Variants in KLB observed in about 807,000 individuals in gnomAD.
KLB encodes beta-klotho.
KLB carries 44 observed loss-of-function variants against 88.4 expected under a neutral mutation model. The ratio of observed to expected loss-of-function variants is 0.50; its 90% CI spans 0.39 to 0.64. The LOEUF (loss-of-function observed/expected upper bound fraction) is 0.64, where lower values mean the gene tolerates loss of function less well. Among genes scored for constraint, KLB ranks in the 30% least tolerant of loss-of-function variants. The pLI is 0.00. For missense variants in KLB, 1,137 were observed against 1,304.8 expected (o/e 0.87, Z 1.98); for synonymous variants, 548 against 513.4 (o/e 1.07, Z -0.91).
In KLB at chr4:39,450,917, AG is replaced by A. The variant is rs1198925668; in HGVS notation, c.*2233del. 3.3e-5 allele frequency: 5 copies of A among 151,032 alleles called. No individual in the cohort carries two copies. The highest frequency in any genetic ancestry group is 1.2e-4 in the African/African-American group (5 of 41,178). 9.4% of individuals were successfully genotyped at this position (151,032 alleles called of 1,614,324 possible). ...AACAAAAACCTGGAATTTATCTTTCAGGTTTTGCTTTCTCTTTCTCACTTTG... is the reference window on the plus strand; with the variant it reads ...AACAAAAACCTGGAATTTATCTTTCAGTTTTGCTTTCTCTTTCTCACTTTG... On this transcript the variant is annotated 3_prime_UTR_variant, in exon 5 of 5. Coordinates refer to ENST00000257408, the MANE Select transcript of KLB (RefSeq NM_175737.4).
chr4:39,414,254 T>C (rs184940818), intron 1 of KLB, among the ~76,000 whole-genome samples: 125 of 151,858 alleles, frequency 8.2e-4, no homozygotes, highest in African/African-American at 2.9e-3. Context: ...ACCAGATCTG[T>C]AAGTTGCATA....
At chr4:39,412,704 T>C (rs563563424) in intron 1 of KLB, among the ~76,000 whole-genome samples, 3 of 152,300 alleles carry the variant, frequency 2.0e-5, no homozygotes, top group South Asian at 2.1e-4. Flanking sequence ...ATAGCACTCA[T>C]ACGACATGAT....
At position 39,406,966 on chromosome 4, in the gene KLB, C is replaced by T. The variant is rs748905173; in HGVS notation, c.17C>T (p.Ala6Val). The T allele has an allele frequency of 5.0e-6, 8 of 1,609,320 alleles. No individual in the cohort carries two copies. Among genetic ancestry groups the T allele is most frequent in the South Asian group, 3.3e-5 (3 of 90,700 alleles). The change falls in exon 1 of 5, where the codon GCG (alanine) becomes GTG (valine). Residue 6 changes from alanine to valine, a missense_variant. Ala to Val is a moderately conservative substitution (Grantham distance 64). Coordinates refer to ENST00000257408, the MANE Select transcript of KLB (RefSeq NM_175737.4). MKPGC[A>V]AGSPGNEWIF... is the part of the protein sequence containing the mutation. ...TGGTGGCAAATGAAGCCAGGCTGTG[C>T]GGCAGGATCTCCAGGGAATGAATGG...
At chr4:39,423,509 G>C (rs1008664052) in intron 1 of KLB, among the ~76,000 whole-genome samples, 1 of 151,836 alleles carries the variant, frequency 6.6e-6, no homozygotes, top group African/African-American at 2.4e-5. Flanking sequence ...TTTAGAACTG[G>C]CAGGACATAC....
intron 1 of KLB, among the ~76,000 whole-genome samples, chr4:39,426,191 G>T (rs1321460064): frequency 2.0e-5 from 3 of 151,432 alleles, no homozygotes; most frequent in Non-Finnish European, 4.4e-5. Flanking sequence ...GGTGGATGTT[G>T]CAGTGAGCCG....
chr4:39,411,337 A>ATTTTT (rs35160893), intron 1 of KLB, among the ~76,000 whole-genome samples: 5 of 103,272 alleles, frequency 4.8e-5, no homozygotes, highest in East Asian at 2.9e-4. Context: ...TTTTGTTTTG[A>ATTTTT]TTTTTTTTTT....
chr4:39,423,383 G>A (rs762858788), intron 1 of KLB, among the ~76,000 whole-genome samples: 1 of 151,810 alleles, frequency 6.6e-6, no homozygotes, highest in Non-Finnish European at 1.5e-5. Context: ...ATGCAATTGT[G>A]GAATGTAGTA....
At chr4:39,427,593 G>A (rs2687985) in intron 1 of KLB, among the ~76,000 whole-genome samples, 1 of 151,910 alleles carries the variant, frequency 6.6e-6, no homozygotes, top group Non-Finnish European at 1.5e-5. Flanking sequence ...TAAAACTCAG[G>A]AAGCTGCAAA....
intron 1 of KLB, among the ~76,000 whole-genome samples, chr4:39,419,425 TAA>T (rs1306464336): frequency 6.6e-6 from 1 of 152,106 alleles, no homozygotes; most frequent in African/African-American, 2.4e-5. Flanking sequence ...TAATATAAAA[TAA>T]GTCATGTAAT....
chr4:39,435,632 A>C (rs1409761529), intron 2 of KLB, among the ~76,000 whole-genome samples: 3 of 141,946 alleles, frequency 2.1e-5, no homozygotes, highest in African/African-American at 8.0e-5. Flanking sequence ...CAACATGTTG[A>C]CCAGGTTGGT....
rs1646139041 is a variant in KLB, at chr4:39,451,527, C to T, written c.*2841C>T. 1 of 152,230 alleles carries T rather than the reference C, an allele frequency of 6.6e-6. No individual in the cohort carries two copies. The highest frequency in any genetic ancestry group is 2.4e-5 in the African/African-American group (1 of 41,466). 9.4% of individuals were successfully genotyped at this position (152,230 alleles called of 1,614,324 possible). ...CTGGTTCATGCTGACCACTTGTATT[C>T]AACTAACAACCTGGTCAATTTTAAG... On this transcript the variant is annotated 3_prime_UTR_variant, in exon 5 of 5. Transcript: ENST00000257408.
At chr4:39,415,153 T>C (rs1436149128) in intron 1 of KLB, among the ~76,000 whole-genome samples, 1 of 152,066 alleles carries the variant, frequency 6.6e-6, no homozygotes, top group Non-Finnish European at 1.5e-5. Flanking sequence ...CCTTGGGTGA[T>C]AGACCCGCCT....
At chr4:39,416,001 G>A (rs923832807) in intron 1 of KLB, among the ~76,000 whole-genome samples, 5 of 151,936 alleles carry the variant, frequency 3.3e-5, no homozygotes. Flanking sequence ...TGCTGGACAC[G>A]TGTTAGGCAT....
chr4:39,449,008 G>A lies in KLB; in HGVS notation c.*322G>A, dbSNP rs182394633. 4.6e-6 allele frequency: 1 copy of A among 217,274 alleles called. No individual in the cohort carries two copies. The highest frequency in any genetic ancestry group is 9.2e-6 in the Non-Finnish European group (1 of 109,244). 13.5% of individuals were successfully genotyped at this position (217,274 alleles called of 1,614,324 possible). A position where few individuals can be genotyped will look rare whatever the true frequency, so the allele number is the denominator to read the frequency against. ...TCATCTCTACCAATAGCTACTTGTG[G>A]TACAATAAATTATTTTTAAGAAGTA... On this transcript the variant is annotated 3_prime_UTR_variant, in exon 5 of 5. Coordinates refer to ENST00000257408, the MANE Select transcript of KLB (RefSeq NM_175737.4).
intron 1 of KLB, 59 bp from the exon 2 acceptor site, chr4:39,434,151 C>T: frequency 1.4e-6 from 2 of 1,453,646 alleles, no homozygotes; most frequent in South Asian, 2.6e-5. Flanking sequence ...CATTTACCAG[C>T]CATGTTACAG....
Position 39,434,210 on chromosome 4 carries a change from G to T in KLB, c.826G>T (p.Ala276Ser). The change falls in exon 2 of 5, where the codon GCT (alanine) becomes TCT (serine). Residue 276 changes from alanine to serine, a missense_variant and splice_region_variant. This residue lies in a region of KLB where 597 missense variants were observed against 765.2 expected (regional missense o/e 0.78). Coordinates refer to ENST00000257408, the MANE Select transcript of KLB (RefSeq NM_175737.4). ...VYTVGHNLIK[A>S]HSKVWHNYNT... Reference sequence around the variant, plus strand: ...GATCAATAATATTTTCTTCTTTTAGGCTCACTCGAAAGTTTGGCATAACTA... The same window carrying T: ...GATCAATAATATTTTCTTCTTTTAGTCTCACTCGAAAGTTTGGCATAACTA... 2 of 1,598,854 alleles carry T rather than the reference G, an allele frequency of 1.3e-6. No individual in the cohort carries two copies. Among genetic ancestry groups the T allele is most frequent in the Non-Finnish European group, 1.7e-6 (2 of 1,171,410 alleles).
At chr4:39,424,503 A>G (rs1410038542) in intron 1 of KLB, among the ~76,000 whole-genome samples, 1 of 151,816 alleles carries the variant, frequency 6.6e-6, no homozygotes, top group African/African-American at 2.4e-5. Flanking sequence ...CTAGGGACGT[A>G]GGTAAGCAAG....
At position 39,448,331 on chromosome 4, in the gene KLB, G is replaced by A. The variant is rs1418131663; in HGVS notation, c.2780G>A (p.Gly927Asp). 1.2e-6 allele frequency: 2 copies of A among 1,608,024 alleles called. No individual in the cohort carries two copies. Residue 927 changes from glycine (G) to aspartate (D), a missense_variant, in exon 5 of 5, where the codon GGC (glycine) becomes GAC (aspartate). Gly to Asp is a moderately conservative substitution (Grantham distance 94). Coordinates refer to ENST00000257408, the MANE Select transcript of KLB (RefSeq NM_175737.4). Reference sequence around the variant, plus strand: ...CTGATTGATAAAGTCAGAATCAAAGGCTATTATGCATTCAAACTGGCTGAA... The same window carrying A: ...CTGATTGATAAAGTCAGAATCAAAGACTATTATGCATTCAAACTGGCTGAA... ...AYLIDKVRIK[G>D]YYAFKLAEEK...
At chr4:39,414,379 G>A (rs1742921872) in intron 1 of KLB, among the ~76,000 whole-genome samples, 1 of 151,410 alleles carries the variant, frequency 6.6e-6, no homozygotes, top group Non-Finnish European at 1.5e-5. Flanking sequence ...ATTACATCTA[G>A]TTTGGCTTTT....
Sources: gnomAD v4.1 joint callset for allele counts (sites outside exome capture counted in the v4.1 genomes callset) on GRCh38, gnomAD v4.1.1 for gene constraint, gnomAD v4.1.1 regional missense constraint, MANE v1.5 for transcripts, NCBI Gene and HGNC (gene_info 2026-07-23, HGNC 2026-07-21) for gene names.